The following CLUH variants were observed in gnomAD, a reference collection of about 807,000 sequenced individuals.
The protein encoded by CLUH is CLUH binding protein of NUMT mRNA, also known as clustered mitochondria protein homolog.
A neutral mutation model predicts 139.3 loss-of-function variants in CLUH; 77 were observed. The ratio of observed to expected loss-of-function variants is 0.55; its 90% CI spans 0.46 to 0.67. The LOEUF (loss-of-function observed/expected upper bound fraction) is 0.67. Ranked by LOEUF, CLUH falls within the 30% of genes least tolerant of loss-of-function variation. The pLI is 0.00. For missense variants in CLUH, 1,876 were observed against 1,875.8 expected, an observed-to-expected ratio of 1.00 and a Z score of 0.00; for synonymous variants, 999 against 801.6, an observed-to-expected ratio of 1.25 and a Z score of -4.16.
chr17:2,707,257 C>A lies in CLUH; in HGVS notation c.101-2693G>T. 2.0e-6 allele frequency: 2 copies of A among 985,442 alleles called. No homozygotes were observed. Among genetic ancestry groups the A allele is most frequent in the Non-Finnish European group, 2.4e-6 (2 of 829,924 alleles). 61.0% of individuals were successfully genotyped at this position (985,442 alleles called of 1,614,324 possible). ...CAAGGCAGCCAGCTCTCCAGCTCAG[C>A]CCCAGCATTGCCCGGGTTCCTTGTT... On this transcript the variant is annotated intron_variant, in intron 1 of 25. Transcript: ENST00000651024. This position sits in a 1 kb window ranked among gnomAD's most constrained non-coding sequence, Gnocchi z 7.4.
Position 2,703,503 on chromosome 17 carries a change from G to A in CLUH, c.304-14C>T, listed in dbSNP as rs746163579. ...CTGGGGGGACACCTGCAGGGAGAAGGCCCCGCCCACCCCGGTGAGAGAGCA... is the reference window on the plus strand; with the variant it reads ...CTGGGGGGACACCTGCAGGGAGAAGACCCCGCCCACCCCGGTGAGAGAGCA... On this transcript the variant is annotated splice_polypyrimidine_tract_variant and intron_variant, in intron 2 of 25. Transcript: ENST00000651024. This position sits in a 1 kb window ranked among gnomAD's most constrained non-coding sequence, Gnocchi z 4.2. The A allele has an allele frequency of 3.1e-6, 5 of 1,610,014 alleles. No homozygotes were observed. The Admixed American group carries it at 8.3e-5, about 27-fold the overall frequency.
intron 9 of CLUH, among the ~76,000 whole-genome samples, chr17:2,698,855 C>T (rs2070072743): frequency 6.6e-6 from 1 of 152,130 alleles, no homozygotes; most frequent in Admixed American, 6.6e-5. Context: ...ACCAGCCTGA[C>T]CAATATGGTG....
In CLUH at chr17:2,695,350, C is replaced by T. The variant is rs199865789; in HGVS notation, c.2544+24G>A. 2.2e-3 allele frequency: 3,508 copies of T among 1,613,044 alleles called. 5 individuals carry two copies. Among genetic ancestry groups the T allele is most frequent in the Non-Finnish European group, 2.8e-3 (3,270 of 1,179,674 alleles). ...CATCCCAGTCCCACAGCTCCCGTTC[C>T]GCCCCACCCCGGGCAGCACTCACAA... On this transcript the variant is annotated intron_variant, in intron 14 of 25. Coordinates refer to ENST00000651024, the MANE Select transcript of CLUH (RefSeq NM_001366661.1).
At chr17:2,709,767 G>A (rs889159390) in intron 1 of CLUH, among the ~76,000 whole-genome samples, 63 of 152,116 alleles carry the variant, frequency 4.1e-4, no homozygotes, top group African/African-American at 1.5e-3. Context: ...GCTCAGGTGG[G>A]CCCCAGCTGG....
In CLUH at chr17:2,707,396, A is replaced by G; in HGVS notation, c.101-2832T>C. ...CTGCCATGGCAGCCCCAGGAAGGGC[A>G]CACTCCCCCTGCCTGGCATCCCGCT... is the stretch of plus-strand genomic sequence containing the variant. On this transcript the variant is annotated intron_variant, in intron 1 of 25. Coordinates refer to ENST00000651024, the MANE Select transcript of CLUH (RefSeq NM_001366661.1). The surrounding 1 kb of genome is among the most constrained non-coding windows in gnomAD (Gnocchi z 7.4). 3.0e-6 allele frequency: 3 copies of G among 985,316 alleles called. No individual in the cohort carries two copies. The highest frequency in any genetic ancestry group is 3.6e-6 in the Non-Finnish European group (3 of 829,894). The allele number at this position is 985,316 out of a possible 1,614,324, so 61.0% of individuals were successfully genotyped here.
chr17:2,704,403 C>G lies in CLUH; in HGVS notation c.262G>C (p.Val88Leu). 6.2e-7 allele frequency: 1 copy of G among 1,611,758 alleles called. No homozygotes were observed. Among genetic ancestry groups the G allele is most frequent in the Non-Finnish European group, 8.5e-7 (1 of 1,179,082 alleles). ...TCGATCCCAGGGGCGAGGATCTTCA[C>G]AGAAAAGCCCGTGTCCTGAATGACA... is the stretch of plus-strand genomic sequence containing the variant. ...VIVIQDTGFS[V>L]KILAPGIEPF... Residue 88 changes from valine (V) to leucine (L), a missense_variant, in exon 2 of 26, where the codon GTG becomes CTG. Around this residue, in one of 3 missense-constraint regions of CLUH, gnomAD observed 152 missense variants for 136.7 expected, o/e 1.11. Coordinates refer to ENST00000651024, the MANE Select transcript of CLUH (RefSeq NM_001366661.1). The surrounding 1 kb of genome is among the most constrained non-coding windows in gnomAD (Gnocchi z 5.7).
Position 2,695,570 on chromosome 17 carries a change from T to G in CLUH, c.2392-44A>C, listed in dbSNP as rs1432519573. ...CAGGCCCCCACCCAGCTCCTCTGCCTCCACCCAACTGAGTCCTTCTGGGGG... is the reference window on the plus strand; with the variant it reads ...CAGGCCCCCACCCAGCTCCTCTGCCGCCACCCAACTGAGTCCTTCTGGGGG... On this transcript the variant is annotated intron_variant, in intron 13 of 25. Coordinates refer to ENST00000651024, the MANE Select transcript of CLUH (RefSeq NM_001366661.1). 5 of 1,532,864 alleles carry G rather than the reference T, an allele frequency of 3.3e-6. No homozygotes were observed. The Admixed American group carries it at 7.8e-5, about 24-fold the overall frequency. The allele number at this position is 1,532,864 out of a possible 1,614,324, so 95.0% of individuals were successfully genotyped here.
rs1337722519 is a variant in CLUH at position 2,690,486 on chromosome 17, G to A, written c.*108C>T. 7.9e-6 allele frequency: 8 copies of A among 1,011,040 alleles called. No individual in the cohort carries two copies. Among genetic ancestry groups the A allele is most frequent in the East Asian group, 3.2e-5 (1 of 30,820 alleles). The allele number at this position is 1,011,040 out of a possible 1,614,324, so 62.6% of individuals were successfully genotyped here. ...CGGGGGTGGGGTGGGGTGAGACGTG[G>A]AGGAAGAGGGCCTTGCTTCCTCTTC... On this transcript the variant is annotated 3_prime_UTR_variant, in exon 26 of 26. Transcript: ENST00000651024.
chr17:2,693,202 C>T lies in CLUH; in HGVS notation c.3232-342G>A, dbSNP rs189751240. On this transcript the variant is annotated intron_variant, in intron 19 of 25. Coordinates refer to ENST00000651024, the MANE Select transcript of CLUH (RefSeq NM_001366661.1). Reference sequence around the variant, plus strand: ...CTTGAGGTCAGGAGTTTGAGACCATCCTGGCCAACATGATGAAACCCCATC... The same window carrying T: ...CTTGAGGTCAGGAGTTTGAGACCATTCTGGCCAACATGATGAAACCCCATC... 4.5e-3 allele frequency among the ~76,000 whole-genome samples: 634 copies of T among 141,708 alleles called. 3 individuals carry two copies. Among genetic ancestry groups the T allele is most frequent in the Middle Eastern group, 0.023 (6 of 264 alleles). 93.0% of individuals were successfully genotyped at this position (141,708 alleles called of 152,430 possible).
In CLUH at chr17:2,691,602, G is replaced by C. The variant is rs1355382667; in HGVS notation, c.3863+7C>G. 1 of 1,611,438 alleles carries C rather than the reference G, an allele frequency of 6.2e-7. No individual in the cohort carries two copies. The highest frequency in any genetic ancestry group is 1.7e-5 in the Admixed American group (1 of 59,904). ...CGGGAGACACTCGAGTGGGGCGGAG[G>C]CCTCACCTGAGAGGAATGAAGAGGA... is the stretch of plus-strand genomic sequence containing the variant. On this transcript the variant is annotated splice_region_variant and intron_variant, in intron 25 of 25. Transcript: ENST00000651024.
Position 2,690,109 on chromosome 17 carries a change from C to CTGAAA in CLUH, c.*484_*485insTTTCA, listed in dbSNP as rs2069565277. ...CGGGTTTTTCGGCCTAAACCCTGAA[C>CTGAAA]TTTCAGACAGGCTGGGCCCGGGGGT... On this transcript the variant is annotated 3_prime_UTR_variant, in exon 26 of 26. Coordinates refer to ENST00000651024, the MANE Select transcript of CLUH (RefSeq NM_001366661.1). 1 of 154,306 alleles carries CTGAAA rather than the reference C, an allele frequency of 6.5e-6. No individual in the cohort carries two copies. Among genetic ancestry groups the CTGAAA allele is most frequent in the Admixed American group, 6.5e-5 (1 of 15,304 alleles). The allele number at this position is 154,306 out of a possible 1,614,324, so 9.6% of individuals were successfully genotyped here.
At chr17:2,705,180 C>T (rs966831160) in intron 1 of CLUH, among the ~76,000 whole-genome samples, 15 of 152,142 alleles carry the variant, frequency 9.9e-5, no homozygotes, top group Non-Finnish European at 4.4e-5. Flanking sequence ...ACTGAAGCCT[C>T]GTCTTGCAGG....
rs1365342389 is a variant in CLUH, at chr17:2,703,616, GT to G, written c.304-128del. ...AATATCCCCTTGTCCCCAGCCCAAA[GT>G]ACCTTGGTCCCCAGAATAAATGCCC... is the stretch of plus-strand genomic sequence containing the variant. On this transcript the variant is annotated intron_variant, in intron 2 of 25. Transcript: ENST00000651024. This position sits in a 1 kb window ranked among gnomAD's most constrained non-coding sequence, Gnocchi z 4.2. The G allele has an allele frequency of 2.3e-5, 20 of 862,218 alleles. No individual in the cohort carries two copies. Among genetic ancestry groups the G allele is most frequent in the Non-Finnish European group, 3.4e-5 (19 of 561,706 alleles). The allele number at this position is 862,218 out of a possible 1,614,324, so 53.4% of individuals were successfully genotyped here.
rs772194737 is a variant in CLUH at position 2,692,010 on chromosome 17, C to T, written c.3648G>A (p.Lys1216=). 5.8e-6 allele frequency: 9 copies of T among 1,544,360 alleles called. No homozygotes were observed. The highest frequency in any genetic ancestry group is 2.5e-5 in the East Asian group (1 of 40,096). The change falls in exon 23 of 26, where the codon AAG becomes AAA. Residue 1216 remains lysine (K), a synonymous_variant. Coordinates refer to ENST00000651024, the MANE Select transcript of CLUH (RefSeq NM_001366661.1). Reference sequence around the variant, plus strand: ...CCACGCCCCCGCCGCGCACCTGCGTCTTGTAGATGGTGTAACCCTCCTTCT... The same window carrying T: ...CCACGCCCCCGCCGCGCACCTGCGTTTTGTAGATGGTGTAACCCTCCTTCT... The part of the protein sequence containing the change: ...QHEKEGYTIY[K]TQLGEDHEKT...
At chr17:2,694,743 TTC>T (rs752712740) in intron 16 of CLUH, 112 bp downstream of exon 16, 21 of 1,405,228 alleles carry the variant, frequency 1.5e-5, no homozygotes, top group Non-Finnish European at 1.9e-5. Flanking sequence ...CTGCTCCCTC[TTC>T]TCTCTGACTC....
At position 2,700,721 on chromosome 17, in the gene CLUH, G is replaced by A; in HGVS notation, c.1130C>T (p.Ala377Val). The change falls in exon 8 of 26, where the codon GCC becomes GTC. Residue 377 changes from alanine (A) to valine (V), a missense_variant. This residue lies in a region of CLUH where 1,454 missense variants were observed against 1,384.4 expected (regional missense o/e 1.05). Transcript: ENST00000651024. The part of the protein sequence containing the change: ...HAMDCVRAED[A>V]YTSRLGYEEH... Reference sequence around the variant, plus strand: ...CTCATAGCCCAGCCTCGAGGTGTAGGCGTCCTCTGCACGCACGCAATCCAT... The same window carrying A: ...CTCATAGCCCAGCCTCGAGGTGTAGACGTCCTCTGCACGCACGCAATCCAT... The A allele has an allele frequency of 6.5e-7, 1 of 1,539,326 alleles. No individual in the cohort carries two copies.
At chr17:2,692,251 A>G (rs1415327266) in intron 22 of CLUH, 110 bp downstream of exon 22, 2 of 1,448,238 alleles carry the variant, frequency 1.4e-6, no homozygotes, top group Non-Finnish European at 1.8e-6. Context: ...GGAGGTCGAG[A>G]GAAATTTTCT....
Position 2,690,657 on chromosome 17 carries a change from G to T in CLUH, c.3984C>A (p.Ala1328=). The T allele has an allele frequency of 6.5e-7, 1 of 1,540,092 alleles. No individual in the cohort carries two copies. The highest frequency in any genetic ancestry group is 1.2e-5 in the South Asian group (1 of 81,436). Residue 1328 remains alanine, a synonymous_variant, in exon 26 of 26, where the codon GCC becomes GCA. Transcript: ENST00000651024. ...GGGGCTGGGAGCCCAGGTCTCCTGGGGCCCCCGCTGGCGCGGGCTCGGTAG... is the reference window on the plus strand; with the variant it reads ...GGGGCTGGGAGCCCAGGTCTCCTGGTGCCCCCGCTGGCGCGGGCTCGGTAG... ...PMATEPAPAG[A]PGDLGSQPPA...
intron 1 of CLUH, among the ~76,000 whole-genome samples, chr17:2,705,095 G>C (rs2070313216): frequency 6.7e-6 from 1 of 149,560 alleles, no homozygotes; most frequent in African/African-American, 2.5e-5. Flanking sequence ...GGCCAATCCT[G>C]TCCTCTCTCC....
Sources: allele counts gnomAD v4.1 joint callset (sites outside exome capture counted in the v4.1 genomes callset), GRCh38; gene constraint gnomAD v4.1.1; regional missense constraint gnomAD v4.1.1; non-coding constraint Gnocchi (gnomAD v3.1); transcripts MANE v1.5; gene names NCBI Gene and HGNC (gene_info 2026-07-23, HGNC 2026-07-21).